SMAD1: variants seen among roughly 807,000 people sequenced by gnomAD.
SMAD1 encodes SMAD family member 1, also known as MAD, mothers against decapentaplegic homolog 1.
A neutral mutation model predicts 41.6 loss-of-function variants in SMAD1; 6 were observed. That is an observed-to-expected ratio of 0.14 (90% CI 0.08 to 0.28). The LOEUF (loss-of-function observed/expected upper bound fraction) is 0.28. SMAD1 is among the 10% of genes least tolerant of loss of function. The pLI is 1.00. For missense variants in SMAD1, 379 were observed against 582.6 expected, an observed-to-expected ratio of 0.65 and a Z score of 3.60; for synonymous variants, 206 against 203.2, an observed-to-expected ratio of 1.01 and a Z score of -0.12.
intron 2 of SMAD1, among the ~76,000 whole-genome samples, chr4:145,533,330 T>C (rs527996932): frequency 3.3e-5 from 5 of 152,336 alleles, no homozygotes; most frequent in East Asian, 1.9e-4. Flanking sequence ...ACTAATTACA[T>C]TGGACAACAG....
rs914677500 is a variant in SMAD1, at chr4:145,558,125, T to C, written c.*191T>C. ...ACACCTTGGTAACATACTGTTGATA[T>C]CAAGAACCTGTTTAGTTTACATTGT... On this transcript the variant is annotated 3_prime_UTR_variant, in exon 7 of 7. Transcript: ENST00000302085. 14 of 409,112 alleles carry C rather than the reference T, an allele frequency of 3.4e-5. No homozygotes were observed. Among genetic ancestry groups the C allele is most frequent in the Non-Finnish European group, 6.0e-5 (14 of 231,722 alleles). The allele number at this position is 409,112 out of a possible 1,614,324, so 25.3% of individuals were successfully genotyped here.
chr4:145,527,124 ATAT>A (rs763420586), intron 2 of SMAD1, among the ~76,000 whole-genome samples: 43 of 152,250 alleles, frequency 2.8e-4, no homozygotes, highest in Non-Finnish European at 4.3e-4. Context: ...AAAAGGAATG[ATAT>A]TATTAGAATA....
intron 2 of SMAD1, among the ~76,000 whole-genome samples, chr4:145,524,798 A>T (rs1730940423): frequency 1.3e-5 from 2 of 152,192 alleles, no homozygotes; most frequent in Non-Finnish European, 1.5e-5. Context: ...ACGAAAAAAA[A>T]AAAAAGTGAC....
rs532097679 is a variant in SMAD1, at chr4:145,515,174, G to GTGTC, written c.400+165_400+168dup. Among the ~76,000 whole-genome samples, 96 of 150,216 alleles carry GTGTC rather than the reference G, an allele frequency of 6.4e-4. No individual in the cohort carries two copies. In the South Asian group the frequency reaches 0.01, roughly 16 times the overall value. On this transcript the variant is annotated intron_variant, in intron 2 of 6. Coordinates refer to ENST00000302085, the MANE Select transcript of SMAD1 (RefSeq NM_005900.3). ...TGTGTGTGTGTGTGTGTGTGTGTGT[G>GTGTC]TGTCTGTGTGAATGCAAGAGAGAAA...
chr4:145,521,869 C>T lies in SMAD1; in HGVS notation c.400+6856C>T, dbSNP rs536924079. ...ATCCTTAAAACTGCATGTGAATCTA[C>T]AATTACCTTGATTTAACAAATGGTT... On this transcript the variant is annotated intron_variant, in intron 2 of 6. Coordinates refer to ENST00000302085, the MANE Select transcript of SMAD1 (RefSeq NM_005900.3). Among the ~76,000 whole-genome samples, 163 of 133,580 alleles carry T rather than the reference C, an allele frequency of 1.2e-3. 1 individual carries two copies. Among genetic ancestry groups the T allele is most frequent in the Non-Finnish European group, 1.4e-3 (88 of 63,534 alleles). The allele number at this position is 133,580 out of a possible 152,430, so 87.6% of individuals were successfully genotyped here.
intron 1 of SMAD1, among the ~76,000 whole-genome samples, chr4:145,492,863 G>T (rs1371126026): frequency 1.3e-5 from 2 of 152,206 alleles, no homozygotes; most frequent in East Asian, 3.8e-4. Context: ...AGTACCGCAG[G>T]TTTAAAAGTC....
intron 1 of SMAD1, among the ~76,000 whole-genome samples, chr4:145,492,900 G>C (rs1728851651): frequency 6.6e-6 from 1 of 152,238 alleles, no homozygotes; most frequent in African/African-American, 2.4e-5. Flanking sequence ...ATAAGGGGAT[G>C]AGTCTGCTGG....
chr4:145,550,183 G>A (rs576065407), intron 5 of SMAD1, among the ~76,000 whole-genome samples: 34 of 151,984 alleles, frequency 2.2e-4, no homozygotes, highest in African/African-American at 8.0e-4. Flanking sequence ...CAGTATTCTC[G>A]GGATAGATTC....
intron 2 of SMAD1, among the ~76,000 whole-genome samples, chr4:145,524,034 G>T (rs1044760057): frequency 6.6e-6 from 1 of 152,020 alleles, no homozygotes; most frequent in African/African-American, 2.4e-5. Flanking sequence ...CAAAGTTCTG[G>T]GATTACAGGC....
chr4:145,488,777 C>CCT (rs1229089901), intron 1 of SMAD1, among the ~76,000 whole-genome samples: 3 of 152,108 alleles, frequency 2.0e-5, no homozygotes, highest in Admixed American at 6.5e-5. Flanking sequence ...GTATATGCTT[C>CCT]ATTTATTCCC....
intron 5 of SMAD1, among the ~76,000 whole-genome samples, chr4:145,549,177 C>G (rs1382547179): frequency 6.6e-6 from 1 of 151,960 alleles, no homozygotes; most frequent in Non-Finnish European, 1.5e-5. Context: ...AATATCTGAC[C>G]CTGGACATGA....
At chr4:145,516,748 A>G (rs1357277822) in intron 2 of SMAD1, among the ~76,000 whole-genome samples, 6 of 152,332 alleles carry the variant, frequency 3.9e-5, no homozygotes, top group African/African-American at 1.4e-4. Context: ...TTTGGAGAGT[A>G]AAATGTAGTA....
chr4:145,497,588 G>C (rs147424403), intron 1 of SMAD1: 1 of 152,184 alleles, frequency 6.6e-6, no homozygotes, highest in African/African-American at 2.4e-5. Flanking sequence ...GTAGCTGAGC[G>C]TGTAAAGGAG....
intron 6 of SMAD1, among the ~76,000 whole-genome samples, chr4:145,557,051 C>A (rs28534855): frequency 0.16 from 24,027 of 152,142 alleles, 4,072 homozygotes; most frequent in African/African-American, 0.41. Context: ...CTCTGATATT[C>A]CTCATGAAAC....
intron 5 of SMAD1, among the ~76,000 whole-genome samples, chr4:145,550,683 C>A (rs1221834519): frequency 1.3e-5 from 2 of 152,102 alleles, no homozygotes; most frequent in Non-Finnish European, 2.9e-5. Flanking sequence ...TATCTAGAAA[C>A]CTCCAAAGAA....
rs372549926 is a variant in SMAD1, at chr4:145,542,734, T to C, written c.775+36T>C. On this transcript the variant is annotated intron_variant, in intron 4 of 6. Transcript: ENST00000302085. The stretch of plus-strand genomic sequence containing the variant: ...TTGCTGCCTGTTCCCTTTTTTAGAG[T>C]CTAAAGTTTGTCCAGATGTTACTTT... 5.1e-6 allele frequency: 7 copies of C among 1,384,138 alleles called. No individual in the cohort carries two copies. In the African/African-American group the frequency reaches 7.2e-5, roughly 14 times the overall value. 85.7% of individuals were successfully genotyped at this position (1,384,138 alleles called of 1,614,324 possible). A position where few individuals can be genotyped will look rare whatever the true frequency, so the allele number is the denominator to read the frequency against.
chr4:145,504,276 A>G (rs1729641204), intron 1 of SMAD1, among the ~76,000 whole-genome samples: 1 of 152,214 alleles, frequency 6.6e-6, no homozygotes, highest in African/African-American at 2.4e-5. Flanking sequence ...GCATTTGAAC[A>G]TTATTTGTTG....
chr4:145,517,005 T>G (rs948466796), intron 2 of SMAD1: 18 of 152,256 alleles, frequency 1.2e-4, no homozygotes, highest in Non-Finnish European at 1.8e-4. Flanking sequence ...CCCCTCACCC[T>G]GCGCTAACCT....
chr4:145,509,772 T>C (rs1179197065), intron 1 of SMAD1, among the ~76,000 whole-genome samples: 1 of 152,228 alleles, frequency 6.6e-6, no homozygotes, highest in Non-Finnish European at 1.5e-5. Flanking sequence ...TTTTGTTTTC[T>C]CTTTCCTTTA....
Sources: allele counts gnomAD v4.1 joint callset (sites outside exome capture counted in the v4.1 genomes callset), GRCh38; gene constraint gnomAD v4.1.1; transcripts MANE v1.5; gene names NCBI Gene and HGNC (gene_info 2026-07-23, HGNC 2026-07-21).